The following MFSD12 variants were observed in gnomAD, a reference collection of about 807,000 sequenced individuals.
The protein encoded by MFSD12 is major facilitator superfamily domain containing 12, also known as major facilitator superfamily domain-containing protein 12.
In MFSD12, 67 loss-of-function variants were observed where a neutral mutation model predicts 51.2. The ratio of observed to expected loss-of-function variants is 1.31; its 90% CI spans 1.08 to 1.60. The LOEUF (loss-of-function observed/expected upper bound fraction) is 1.60, where lower values mean the gene tolerates loss of function less well. Among genes scored for constraint, MFSD12 ranks in the 40% most tolerant of loss-of-function variants. The pLI, the probability that MFSD12 is intolerant of heterozygous loss-of-function variation, is 0.00. For synonymous variants in MFSD12, 441 were observed against 316.7 expected, an observed-to-expected ratio of 1.39 and a Z score of -4.17; for missense variants, 921 against 673.0, an observed-to-expected ratio of 1.37 and a Z score of -4.08.
At chr19:3,556,654 G>A (rs903911001) in intron 1 of MFSD12, among the ~76,000 whole-genome samples, 3 of 151,518 alleles carry the variant, frequency 2.0e-5, no homozygotes, top group African/African-American at 7.3e-5. Flanking sequence ...ACAGGCAGGG[G>A]AGGCTCAGGA....
At position 3,547,831 on chromosome 19, in the gene MFSD12, CCGT is replaced by C; in HGVS notation, c.837+14_837+16del. 2 of 1,477,914 alleles carry C rather than the reference CCGT, an allele frequency of 1.4e-6. No homozygotes were observed. Among genetic ancestry groups the C allele is most frequent in the Non-Finnish European group, 1.8e-6 (2 of 1,116,632 alleles). The allele number at this position is 1,477,914 out of a possible 1,614,324, so 91.6% of individuals were successfully genotyped here. A position where few individuals can be genotyped will look rare whatever the true frequency, so the allele number is the denominator to read the frequency against. On this transcript the variant is annotated intron_variant, in intron 4 of 9. Coordinates refer to ENST00000355415, the MANE Select transcript of MFSD12 (RefSeq NM_174983.5). ...GGAGAGAAGGCCCACGCCAGCCCCA[CCGT>C]CCCCAGCACGCACCTGGTAGAAAGC...
downstream of MFSD12, chr19:3,539,302 T>TC (rs1164739622): frequency 9.0e-6 from 7 of 777,720 alleles, no homozygotes; most frequent in Non-Finnish European, 1.2e-5. Flanking sequence ...AGCCCCTCCC[T>TC]CCCTCCCTCC....
downstream of MFSD12, chr19:3,543,487 C>CT (rs2030622610): frequency 6.6e-7 from 1 of 1,519,424 alleles, no homozygotes. Context: ...AGTGCCCCCC[C>CT]CCCCGCCCTG....
intron 2 of MFSD12, 33 bp downstream of exon 2, chr19:3,550,951 C>G (rs1469250468): frequency 6.3e-7 from 1 of 1,595,994 alleles, no homozygotes. Context: ...CGGGGCCCAC[C>G]CTGCCCGTGG....
downstream of MFSD12, chr19:3,543,320 G>A (rs2030593882): frequency 5.8e-6 from 9 of 1,549,320 alleles, no homozygotes; most frequent in Non-Finnish European, 7.8e-6. Context: ...CATGGGACGG[G>A]ACGCAGCCGG....
At chr19:3,543,480 G>GCC (rs34196068), downstream of MFSD12, 110,987 of 1,322,260 alleles carry the variant, frequency 0.084, 1,948 homozygotes, top group African/African-American at 0.15. Context: ...TCGGGTGAGT[G>GCC]CCCCCCCCCC....
intron 2 of MFSD12, among the ~76,000 whole-genome samples, chr19:3,549,163 G>A (rs921065819): frequency 2.6e-5 from 4 of 152,192 alleles, no homozygotes; most frequent in African/African-American, 7.2e-5. Context: ...CATCATCCTC[G>A]TAACCAGAAG....
downstream of MFSD12, chr19:3,543,441 G>A: frequency 2.6e-6 from 4 of 1,544,064 alleles, no homozygotes; most frequent in Non-Finnish European, 3.5e-6. Flanking sequence ...TGGCACAGCT[G>A]CTACCAACAC....
In MFSD12 at chr19:3,546,385, G is replaced by A. The variant is rs756180892; in HGVS notation, c.1064C>T (p.Ala355Val). The A allele has an allele frequency of 6.2e-7, 1 of 1,607,618 alleles. No individual in the cohort carries two copies. Among genetic ancestry groups the A allele is most frequent in the Non-Finnish European group, 8.5e-7 (1 of 1,177,702 alleles). The change falls in exon 7 of 10, where the codon GCC becomes GTC. Residue 355 changes from alanine (A) to valine (V), a missense_variant. Physicochemically the swap from Ala to Val is moderately conservative, Grantham distance 64 (BLOSUM62 0). Coordinates refer to ENST00000355415, the MANE Select transcript of MFSD12 (RefSeq NM_174983.5). ...TCCCTCCGCCAGCGCCACCCAGGCG[G>A]CAAAGGCCAGGATCACCAGGAGGCC... Reference protein sequence around the residue: ...FSGLLVILAFAAWVALAEGLG... With the variant: ...FSGLLVILAFVAWVALAEGLG...
chr19:3,543,830 G>A (rs1480325727), downstream of MFSD12: 3 of 1,529,410 alleles, frequency 2.0e-6, no homozygotes, highest in Non-Finnish European at 2.6e-6. Context: ...CACCTACAGT[G>A]CTCAACAGGA....
intron 4 of MFSD12, 48 bp downstream of exon 4, chr19:3,547,800 T>G: frequency 6.9e-7 from 1 of 1,457,178 alleles, no homozygotes; most frequent in Non-Finnish European, 9.0e-7. Flanking sequence ...AAAGGCCCTG[T>G]GGGTGGGAGA....
At chr19:3,543,105 A>G, downstream of MFSD12, 1 of 1,534,946 alleles carries the variant, frequency 6.5e-7, no homozygotes, top group Non-Finnish European at 8.7e-7. Flanking sequence ...GACAGACTCC[A>G]AGTGGCGAGG....
chr19:3,538,426 TGTCACCTA>T (rs1377139183), exon 5 of MFSD12: 1 of 312,504 alleles, frequency 3.2e-6, no homozygotes, highest in Non-Finnish European at 6.4e-6. Flanking sequence ...GTCCCCATTA[TGTCACCTA>T]GTCACCCCCA....
In MFSD12 at chr19:3,551,880, A is replaced by G. The variant is rs1308359725; in HGVS notation, c.299-686T>C. On this transcript the variant is annotated intron_variant, in intron 1 of 9. Transcript: ENST00000355415. This position sits in a 1 kb window ranked among gnomAD's most constrained non-coding sequence, Gnocchi z 4.6. Reference sequence around the variant, plus strand: ...CCAGCCATGCAGGTCTCCTCACTGCAGGACCTCTTCAACATGCCAGGCGGT... The same window carrying G: ...CCAGCCATGCAGGTCTCCTCACTGCGGGACCTCTTCAACATGCCAGGCGGT... Among the ~76,000 whole-genome samples the G allele has an allele frequency of 6.6e-6, 1 of 152,066 alleles. No homozygotes were observed. Among genetic ancestry groups the G allele is most frequent in the Non-Finnish European group, 1.5e-5 (1 of 68,004 alleles).
At chr19:3,547,568 G>C in intron 4 of MFSD12, 21 bp from the exon 5 acceptor site, 1 of 1,591,944 alleles carries the variant, frequency 6.3e-7, no homozygotes. Context: ...ACCGACAGAG[G>C]GACTGGCAGG....
intron 6 of MFSD12, among the ~76,000 whole-genome samples, chr19:3,546,724 C>T (rs2031090031): frequency 6.6e-6 from 1 of 152,242 alleles, no homozygotes; most frequent in Non-Finnish European, 1.5e-5. Context: ...CATTTCAAGC[C>T]CTCAGTAGCT....
chr19:3,543,111 CGAGG>C, downstream of MFSD12: 3 of 1,525,800 alleles, frequency 2.0e-6, no homozygotes, highest in Non-Finnish European at 2.6e-6. Context: ...CTCCAAGTGG[CGAGG>C]GAGGGAGACC....
At chr19:3,554,081 CAAAAATA>C (rs1423309333) in intron 1 of MFSD12, among the ~76,000 whole-genome samples, 1 of 150,854 alleles carries the variant, frequency 6.6e-6, no homozygotes, top group Non-Finnish European at 1.5e-5. Context: ...GACTCCGTCT[CAAAAATA>C]AAAAATAAAA....
chr19:3,546,263 G>T lies in MFSD12; in HGVS notation c.1186C>A (p.Pro396Thr). 1 of 1,610,808 alleles carries T rather than the reference G, an allele frequency of 6.2e-7. No homozygotes were observed. Among genetic ancestry groups the T allele is most frequent in the Non-Finnish European group, 8.5e-7 (1 of 1,179,126 alleles). ...SLAMTADLIG[P>T]HTNSGAFVYG... ...CTGGCTACCAGCCCTACCGTGTGGG[G>T]ACCGATGAGGTCGGCCGTCATGGCC... The change falls in exon 7 of 10, where the codon CCC (proline) becomes ACC (threonine). Residue 396 changes from proline (P) to threonine (T), a missense_variant. Transcript: ENST00000355415.
Sources: allele counts gnomAD v4.1 joint callset (sites outside exome capture counted in the v4.1 genomes callset), GRCh38; gene constraint gnomAD v4.1.1; non-coding constraint Gnocchi (gnomAD v3.1); transcripts MANE v1.5; gene names NCBI Gene and HGNC (gene_info 2026-07-23, HGNC 2026-07-21).